Variants in MCC observed in about 807,000 individuals in gnomAD.
The protein encoded by MCC is colorectal mutant cancer protein.
A neutral mutation model predicts 116.2 loss-of-function variants in MCC; 90 were observed. The observed-to-expected ratio is 0.77, with a 90% confidence interval of 0.65 to 0.92. The LOEUF is 0.92. MCC is among the 40% of genes least tolerant of loss of function. MCC has a pLI of 0.00. For synonymous variants in MCC, 578 were observed against 510.5 expected, an observed-to-expected ratio of 1.13 and a Z score of -1.78; for missense variants, 1,516 against 1,312.2, an observed-to-expected ratio of 1.16 and a Z score of -2.40.
At chr5:113,083,648 A>T (rs1047624238) in intron 10 of MCC, among the ~76,000 whole-genome samples, 1 of 152,208 alleles carries the variant, frequency 6.6e-6, no homozygotes, top group African/African-American at 2.4e-5. Context: ...AAAACTCTGG[A>T]ACTAAAGTGA....
rs927850250 is a variant in MCC at position 113,482,686 on chromosome 5, C to A, written c.170+5559G>T. 9.2e-5 allele frequency among the ~76,000 whole-genome samples: 14 copies of A among 152,220 alleles called. 2 individuals are homozygous for A. The highest frequency in any genetic ancestry group is 9.2e-4 in the Admixed American group (14 of 15,284). On this transcript the variant is annotated intron_variant, in intron 1 of 18. Transcript: ENST00000408903. ...CAGATGTACAATTTGTAAATATTTT[C>A]TCCCATTCTGCAGGTTGTCTTTCAC...
At chr5:113,187,805 C>A (rs1032876835) in intron 3 of MCC, among the ~76,000 whole-genome samples, 2 of 150,632 alleles carry the variant, frequency 1.3e-5, no homozygotes, top group African/African-American at 4.9e-5. Flanking sequence ...AAAGCAAACA[C>A]ATGCACCTGT....
At chr5:113,039,454 T>C (rs1018226392) in intron 17 of MCC, among the ~76,000 whole-genome samples, 2 of 152,164 alleles carry the variant, frequency 1.3e-5, no homozygotes, top group Non-Finnish European at 2.9e-5. Flanking sequence ...GGCACCTCAT[T>C]TGCCTTTCGC....
intron 5 of MCC, among the ~76,000 whole-genome samples, chr5:113,129,168 G>A (rs1298978585): frequency 6.6e-6 from 1 of 152,198 alleles, no homozygotes; most frequent in Non-Finnish European, 1.5e-5. Flanking sequence ...TGGGGCTGCT[G>A]CTGTATGAGG....
Position 113,133,468 on chromosome 5 carries a change from ATTC to A in MCC, c.884+9747_884+9749del, listed in dbSNP as rs536284465. 1.8e-4 allele frequency among the ~76,000 whole-genome samples: 27 copies of A among 149,186 alleles called. No homozygotes were observed. The South Asian group carries it at 2.3e-3, about 13-fold the overall frequency. Reference sequence around the variant, plus strand: ...ATTCATGTTGCTGTGACAGGATTTCATTCTTTTTTTTTTTATAGCTGATAATAT... The same window carrying A: ...ATTCATGTTGCTGTGACAGGATTTCATTTTTTTTTTTATAGCTGATAATAT... On this transcript the variant is annotated intron_variant, in intron 5 of 18. Coordinates refer to ENST00000408903, the MANE Select transcript of MCC (RefSeq NM_001085377.2).
In MCC at chr5:113,123,015, G is replaced by C. The variant is rs1757828672; in HGVS notation, c.885-189C>G. 2.0e-5 allele frequency among the ~76,000 whole-genome samples: 3 copies of C among 152,164 alleles called. No individual in the cohort carries two copies. The South Asian group carries it at 6.2e-4, about 32-fold the overall frequency. On this transcript the variant is annotated intron_variant, in intron 5 of 18. Transcript: ENST00000408903. ...TATGCTCAGTGAGTGAAGCTGAAAG[G>C]TTGCCTCTGTGTCCACAAAACATAC...
At chr5:113,030,886 C>T (rs1290462836) in intron 17 of MCC, among the ~76,000 whole-genome samples, 2 of 152,226 alleles carry the variant, frequency 1.3e-5, no homozygotes, top group Non-Finnish European at 2.9e-5. Flanking sequence ...TCATTTTCTA[C>T]TTCACTCACT....
At chr5:113,276,391 T>C (rs1765826196) in intron 3 of MCC, among the ~76,000 whole-genome samples, 1 of 152,206 alleles carries the variant, frequency 6.6e-6, no homozygotes, top group South Asian at 2.1e-4. Flanking sequence ...ACCCTTGTTT[T>C]TTCTTCTTTA....
At chr5:113,110,099 G>A (rs770835601) in intron 6 of MCC, among the ~76,000 whole-genome samples, 10 of 152,146 alleles carry the variant, frequency 6.6e-5, no homozygotes, top group Non-Finnish European at 1.2e-4. Context: ...GGTTACAGGC[G>A]TGAGCTACCT....
At position 113,027,204 on chromosome 5, in the gene MCC, C is replaced by G. The variant is rs1198883446; in HGVS notation, c.*98G>C. 5 of 1,349,078 alleles carry G rather than the reference C, an allele frequency of 3.7e-6. No individual in the cohort carries two copies. Among genetic ancestry groups the G allele is most frequent in the Non-Finnish European group, 5.1e-6 (5 of 988,766 alleles). 83.6% of individuals were successfully genotyped at this position (1,349,078 alleles called of 1,614,324 possible). A position where few individuals can be genotyped will look rare whatever the true frequency, so the allele number is the denominator to read the frequency against. Reference sequence around the variant, plus strand: ...GTGCCGACCTACCTGCCAGCCTTCCCTTTCCTCCTCCTCCCAACAAGTACA... The same window carrying G: ...GTGCCGACCTACCTGCCAGCCTTCCGTTTCCTCCTCCTCCCAACAAGTACA... On this transcript the variant is annotated 3_prime_UTR_variant, in exon 19 of 19. Transcript: ENST00000408903.
intron 8 of MCC, among the ~76,000 whole-genome samples, chr5:113,087,826 G>C: frequency 6.7e-6 from 1 of 149,222 alleles, no homozygotes; most frequent in Non-Finnish European, 1.5e-5. Flanking sequence ...AAAAAATCCT[G>C]GGCAATTTAT....
chr5:113,144,004 G>A (rs1759344076), intron 4 of MCC, among the ~76,000 whole-genome samples: 1 of 152,168 alleles, frequency 6.6e-6, no homozygotes, highest in African/African-American at 2.4e-5. Context: ...ACAAGCTCCT[G>A]GAAGGCAAGG....
In MCC at chr5:113,156,045, A is replaced by G. The variant is rs146203981; in HGVS notation, c.628-4623T>C. On this transcript the variant is annotated intron_variant, in intron 3 of 18. Transcript: ENST00000408903. ...TATCTTATGTGATGGATGGAGCTCT[A>G]GCAGCCATCTTGTGCTACAAAGCTG... 1.4e-3 allele frequency among the ~76,000 whole-genome samples: 215 copies of G among 152,290 alleles called. 1 individual carries two copies. The highest frequency in any genetic ancestry group is 5.1e-3 in the African/African-American group (212 of 41,548).
intron 17 of MCC, among the ~76,000 whole-genome samples, chr5:113,039,950 C>CAGATCTGAGATGA (rs1239010297): frequency 1.3e-5 from 2 of 151,746 alleles, no homozygotes; most frequent in Non-Finnish European, 2.9e-5. Flanking sequence ...TTTACTAGGA[C>CAGATCTGAGATGA]CAAGGGTGAG....
intron 11 of MCC, among the ~76,000 whole-genome samples, chr5:113,077,371 T>A (rs996911273): frequency 6.6e-6 from 1 of 152,114 alleles, no homozygotes; most frequent in Non-Finnish European, 1.5e-5. Flanking sequence ...CAGCACCACA[T>A]CACACTTATT....
At chr5:113,358,575 T>A (rs1268909114) in intron 2 of MCC, among the ~76,000 whole-genome samples, 3 of 152,198 alleles carry the variant, frequency 2.0e-5, no homozygotes, top group Admixed American at 6.5e-5. Flanking sequence ...ATCTTTCAGT[T>A]ATGTGGGTTC....
At position 113,070,209 on chromosome 5, in the gene MCC, C is replaced by CT. The variant is rs548967399; in HGVS notation, c.1925+884dup. Among the ~76,000 whole-genome samples the CT allele has an allele frequency of 7.9e-5, 12 of 152,286 alleles. No individual in the cohort carries two copies. In the East Asian group the frequency reaches 2.3e-3, roughly 29 times the overall value. ...ATTTCCTGAATAAACAAGAATGTTT[C>CT]TTAAACAATACCGAACTTTTTAGAG... On this transcript the variant is annotated intron_variant, in intron 12 of 18. Transcript: ENST00000408903.
intron 1 of MCC, among the ~76,000 whole-genome samples, 164 bp from the exon 2 acceptor site, chr5:113,385,376 G>T (rs1336113170): frequency 6.6e-6 from 1 of 152,020 alleles, no homozygotes; most frequent in African/African-American, 2.4e-5. Context: ...TGAAAAAAAC[G>T]TGTTCCATTT....
intron 8 of MCC, among the ~76,000 whole-genome samples, chr5:113,094,489 C>A (rs772562672): frequency 6.6e-6 from 1 of 150,812 alleles, no homozygotes; most frequent in Non-Finnish European, 1.5e-5. Context: ...GGCGCGATCA[C>A]GGCTTGCTGC....
Sources: allele counts gnomAD v4.1 joint callset (sites outside exome capture counted in the v4.1 genomes callset), GRCh38; gene constraint gnomAD v4.1.1; transcripts MANE v1.5; gene names NCBI Gene and HGNC (gene_info 2026-07-23, HGNC 2026-07-21).